Variants in CLDN14 observed in about 807,000 individuals in gnomAD.
The protein encoded by CLDN14 is claudin 14, also known as claudin-14.
A neutral mutation model predicts 2.1 loss-of-function variants in CLDN14; 2 were observed. The ratio of observed to expected loss-of-function variants is 0.96; its 90% confidence interval spans 0.39 to 3.01. The LOEUF is 3.01. CLDN14 is among the 30% of genes most tolerant of loss of function. The pLI, the probability that CLDN14 is intolerant of heterozygous loss-of-function variation, is 0.09. For synonymous variants in CLDN14, 136 were observed against 154.4 expected (o/e 0.88, Z 0.88); for missense variants, 298 against 328.0 (o/e 0.91, Z 0.71).
intron 1 of CLDN14, among the ~76,000 whole-genome samples, chr21:36,473,580 T>A (rs1472695758): frequency 6.6e-6 from 1 of 152,248 alleles, no homozygotes; most frequent in Non-Finnish European, 1.5e-5. Context: ...TGTCTGTGCC[T>A]ACCCACCTGG....
intron 2 of CLDN14, among the ~76,000 whole-genome samples, chr21:36,506,399 C>T (rs1225975895): frequency 6.6e-6 from 1 of 152,032 alleles, no homozygotes; most frequent in African/African-American, 2.4e-5. Context: ...AAGTTCAAGA[C>T]CAGCCTGACC....
chr21:36,553,505 C>T (rs558017461), intron 1 of CLDN14, among the ~76,000 whole-genome samples: 3 of 152,202 alleles, frequency 2.0e-5, no homozygotes, highest in African/African-American at 7.2e-5. Context: ...TGGCCAACAC[C>T]AGCATCCAAG....
chr21:36,564,030 C>G (rs1365965833), intron 1 of CLDN14, among the ~76,000 whole-genome samples: 1 of 152,166 alleles, frequency 6.6e-6, no homozygotes. Flanking sequence ...TCTGGCCGCC[C>G]TACTCCCCAG....
intron 1 of CLDN14, among the ~76,000 whole-genome samples, chr21:36,526,698 C>T (rs2087333222): frequency 6.6e-6 from 1 of 152,168 alleles, no homozygotes; most frequent in East Asian, 1.9e-4. Context: ...ACCAGGCAAC[C>T]ACGGGCACTT....
intron 1 of CLDN14, among the ~76,000 whole-genome samples, chr21:36,472,707 G>A (rs77793033): frequency 0.014 from 2,145 of 152,266 alleles, 35 homozygotes; most frequent in African/African-American, 0.047. Context: ...TCCGGAGGCT[G>A]GAAAGTCCAA....
chr21:36,530,802 G>A (rs2087373687), intron 1 of CLDN14, among the ~76,000 whole-genome samples: 1 of 152,118 alleles, frequency 6.6e-6, no homozygotes, highest in Non-Finnish European at 1.5e-5. Context: ...GGGAAATGAG[G>A]AGCAAACCTT....
At chr21:36,563,539 T>C (rs371945) in intron 1 of CLDN14, among the ~76,000 whole-genome samples, 113,400 of 152,132 alleles carry the variant, frequency 0.75, 43,871 homozygotes, top group Non-Finnish European at 0.87. Context: ...TTTACAATCC[T>C]TACAGTCTTA....
At chr21:36,545,939 C>G (rs920376282) in intron 1 of CLDN14, among the ~76,000 whole-genome samples, 4 of 152,154 alleles carry the variant, frequency 2.6e-5, no homozygotes, top group Non-Finnish European at 1.5e-5. Context: ...CCTGCAAGAG[C>G]CCTTCAGCCC....
intron 1 of CLDN14, among the ~76,000 whole-genome samples, chr21:36,513,235 T>G (rs936834094): frequency 2.0e-5 from 3 of 152,210 alleles, no homozygotes; most frequent in East Asian, 3.8e-4. Context: ...GAGTAAAGCT[T>G]CTTTGCTCTT....
intron 1 of CLDN14, among the ~76,000 whole-genome samples, chr21:36,537,583 A>G (rs957052539): frequency 3.3e-5 from 5 of 151,710 alleles, no homozygotes; most frequent in African/African-American, 1.2e-4. Context: ...CTAATGAAAT[A>G]TTTATAGTCA....
chr21:36,562,310 T>C (rs542850143), intron 1 of CLDN14, among the ~76,000 whole-genome samples: 2 of 152,232 alleles, frequency 1.3e-5, no homozygotes, highest in South Asian at 2.1e-4. Context: ...TTTGGCAGAT[T>C]TGAGTCACCA....
intron 1 of CLDN14, among the ~76,000 whole-genome samples, chr21:36,558,605 C>T (rs944091764): frequency 6.6e-6 from 1 of 151,988 alleles, no homozygotes; most frequent in Non-Finnish European, 1.5e-5. Flanking sequence ...CCTATTATTC[C>T]TGTTTTTTAT....
intron 1 of CLDN14, among the ~76,000 whole-genome samples, chr21:36,513,973 C>G (rs945245251): frequency 2.0e-5 from 3 of 152,140 alleles, no homozygotes; most frequent in Non-Finnish European, 4.4e-5. Flanking sequence ...CCTGGGACCA[C>G]AGGTTCACAC....
At chr21:36,540,664 G>T (rs1020657528) in intron 1 of CLDN14, among the ~76,000 whole-genome samples, 1 of 146,168 alleles carries the variant, frequency 6.8e-6, no homozygotes, top group Admixed American at 6.7e-5. Context: ...GGGAGGGACT[G>T]GGGGGCAGGG....
At chr21:36,473,838 C>T (rs1183844160) in intron 1 of CLDN14, among the ~76,000 whole-genome samples, 5 of 152,186 alleles carry the variant, frequency 3.3e-5, no homozygotes, top group African/African-American at 7.2e-5. Flanking sequence ...CGATAGTGAA[C>T]GGTCAACCCA....
intron 2 of CLDN14, among the ~76,000 whole-genome samples, chr21:36,490,384 A>ATT (rs2086948461): frequency 8.4e-6 from 1 of 118,790 alleles, no homozygotes; most frequent in Non-Finnish European, 1.7e-5. Flanking sequence ...ATTTTTTTTT[A>ATT]ATTTTTTTTT....
rs186512908 is a variant in CLDN14 at position 36,539,792 on chromosome 21, C to T, written c.-219-29292G>A. 1.8e-4 allele frequency among the ~76,000 whole-genome samples: 25 copies of T among 137,780 alleles called. No homozygotes were observed. In the East Asian group the frequency reaches 5.6e-3, roughly 31 times the overall value. 90.4% of individuals were successfully genotyped at this position (137,780 alleles called of 152,430 possible). A position where few individuals can be genotyped will look rare whatever the true frequency, so the allele number is the denominator to read the frequency against. On this transcript the variant is annotated intron_variant, in intron 1 of 2. Transcript: ENST00000342108. ...TGTATGTGGAGTGAGTGTGTGTGTG[C>T]AGTATGTCTGCAGATGAGTGTGTGC...
Position 36,518,075 on chromosome 21 carries a change from T to TACACACACAC in CLDN14, c.-219-7585_-219-7576dup, listed in dbSNP as rs3030072. Among the ~76,000 whole-genome samples the TACACACACAC allele has an allele frequency of 1.9e-3, 281 of 148,536 alleles. 1 individual carries two copies. Among genetic ancestry groups the TACACACACAC allele is most frequent in the African/African-American group, 6.9e-3 (275 of 39,864 alleles). On this transcript the variant is annotated intron_variant, in intron 1 of 2. Coordinates refer to the CLDN14 transcript ENST00000342108. ...ATAAATCTCTCTCCACTTACATACG[T>TACACACACAC]ACACACACACACACACACACACACA...
intron 1 of CLDN14, among the ~76,000 whole-genome samples, chr21:36,561,963 T>TTGTTTTGCTGCAAAAAAGTCC (rs1555855601): frequency 5.3e-5 from 8 of 150,426 alleles, no homozygotes; most frequent in Admixed American, 1.3e-4. Flanking sequence ...TTCAAGACTC[T>TTGTTTTGCTGCAAAAAAGTCC]TGTTTTGCTG....
Sources: gnomAD v4.1 joint callset for allele counts (sites outside exome capture counted in the v4.1 genomes callset) on GRCh38, gnomAD v4.1.1 for gene constraint, MANE v1.5 for transcripts, NCBI Gene and HGNC (gene_info 2026-07-23, HGNC 2026-07-21) for gene names.